DIAPH3: variants seen among roughly 807,000 people sequenced by gnomAD.
DIAPH3 encodes protein diaphanous homolog 3.
Under a neutral mutation model 144.3 loss-of-function variants are expected in DIAPH3, and 117 were observed. The ratio of observed to expected loss-of-function variants is 0.81; its 90% CI spans 0.70 to 0.95. The LOEUF (loss-of-function observed/expected upper bound fraction) is 0.95. DIAPH3 is among the 40% of genes least tolerant of loss of function. The probability of loss-of-function intolerance (pLI) is 0.00; values close to 1 mark genes in which losing one functional copy is unlikely to be tolerated. For synonymous variants in DIAPH3, 519 were observed against 488.9 expected, an observed-to-expected ratio of 1.06 and a Z score of -0.81; for missense variants, 1,421 against 1,412.7, an observed-to-expected ratio of 1.01 and a Z score of -0.09.
At chr13:60,045,458 A>T (rs1260948252) in intron 4 of DIAPH3, among the ~76,000 whole-genome samples, 10 of 152,212 alleles carry the variant, frequency 6.6e-5, no homozygotes, top group Non-Finnish European at 1.5e-4. Context: ...TTTGATACCT[A>T]TTGTTCTATA....
At chr13:59,889,720 T>C (rs1207003387) in intron 20 of DIAPH3, among the ~76,000 whole-genome samples, 2 of 152,116 alleles carry the variant, frequency 1.3e-5, no homozygotes, top group Non-Finnish European at 2.9e-5. Flanking sequence ...AGTTCTGTAA[T>C]ATCCCATTGA....
At chr13:60,002,128 A>C (rs912658760) in intron 9 of DIAPH3, among the ~76,000 whole-genome samples, 15 of 152,312 alleles carry the variant, frequency 9.8e-5, no homozygotes, top group African/African-American at 3.4e-4. Context: ...AAAATTTAAA[A>C]AGAAAGCCAC....
At chr13:60,110,237 T>C (rs942096100) in intron 3 of DIAPH3, among the ~76,000 whole-genome samples, 3 of 152,204 alleles carry the variant, frequency 2.0e-5, no homozygotes, top group Non-Finnish European at 1.5e-5. Context: ...TTGTAAAAAT[T>C]GCACAATGCC....
rs762255819 is a variant in DIAPH3, at chr13:60,163,864, C to G, written c.-98G>C. 1 of 1,269,584 alleles carries G rather than the reference C, an allele frequency of 7.9e-7. No homozygotes were observed. Among genetic ancestry groups the G allele is most frequent in the Non-Finnish European group, 1.0e-6 (1 of 961,596 alleles). 78.6% of individuals were successfully genotyped at this position (1,269,584 alleles called of 1,614,324 possible). On this transcript the variant is annotated 5_prime_UTR_variant, in exon 1 of 28. Transcript: ENST00000400324. ...GACAACAGGTTTTACTCCCGGGGTC[C>G]GCCACCCAAACAGTCAGCACAGCCT... is the stretch of plus-strand genomic sequence containing the variant.
chr13:59,772,144 A>G (rs1413720507), intron 27 of DIAPH3, among the ~76,000 whole-genome samples: 1 of 152,110 alleles, frequency 6.6e-6, no homozygotes, highest in Non-Finnish European at 1.5e-5. Context: ...AGTAGTTTTT[A>G]GAAATAGAAA....
chr13:59,799,375 GCACACACACACACACA>G (rs56979042), intron 25 of DIAPH3, among the ~76,000 whole-genome samples: 66 of 139,360 alleles, frequency 4.7e-4, no homozygotes, highest in African/African-American at 8.5e-4. Flanking sequence ...CTGGAAATAT[GCACACACACACACACA>G]CACACACACA....
chr13:60,071,198 G>A (rs1370567837), intron 4 of DIAPH3, among the ~76,000 whole-genome samples: 1 of 152,072 alleles, frequency 6.6e-6, no homozygotes, highest in East Asian at 1.9e-4. Context: ...AGATTGTTCT[G>A]ACCTATTTGT....
At chr13:59,887,097 A>C (rs2045501522) in intron 20 of DIAPH3, among the ~76,000 whole-genome samples, 1 of 152,062 alleles carries the variant, frequency 6.6e-6, no homozygotes, top group African/African-American at 2.4e-5. Context: ...GAGTTTTTTC[A>C]TAAAAAATGA....
intron 21 of DIAPH3, among the ~76,000 whole-genome samples, chr13:59,870,165 C>CTT (rs35111180): frequency 2.5e-4 from 36 of 143,744 alleles, no homozygotes; most frequent in African/African-American, 8.1e-4. Flanking sequence ...GGTCTGGCAA[C>CTT]TTTTTTTTTT....
At chr13:60,026,455 G>A (rs1224978415) in intron 5 of DIAPH3, among the ~76,000 whole-genome samples, 1 of 152,110 alleles carries the variant, frequency 6.6e-6, no homozygotes, top group Non-Finnish European at 1.5e-5. Flanking sequence ...CTCTGCCAGA[G>A]CCTTTATGAT....
At chr13:59,737,575 T>A (rs1030786047) in intron 27 of DIAPH3, among the ~76,000 whole-genome samples, 6 of 152,168 alleles carry the variant, frequency 3.9e-5, no homozygotes, top group African/African-American at 7.2e-5. Context: ...AAGGCAGCAA[T>A]AATTTTACTA....
intron 20 of DIAPH3, among the ~76,000 whole-genome samples, chr13:59,909,269 G>T (rs2046877202): frequency 6.6e-6 from 1 of 151,014 alleles, no homozygotes; most frequent in Non-Finnish European, 1.5e-5. Context: ...GTTAGCAAAG[G>T]TTTTTAATCT....
intron 19 of DIAPH3, 120 bp downstream of exon 19, chr13:59,916,035 T>C (rs1292284307): frequency 7.2e-6 from 6 of 831,946 alleles, no homozygotes; most frequent in Non-Finnish European, 1.2e-5. Context: ...AAACTAATTA[T>C]GCAGCAATGA....
chr13:60,013,515 T>C (rs2053423118), intron 7 of DIAPH3: 1 of 152,206 alleles, frequency 6.6e-6, no homozygotes, highest in Admixed American at 6.5e-5. Flanking sequence ...ACCTTTCAAT[T>C]TGAATATACT....
At chr13:59,930,165 T>C (rs2047956755) in intron 17 of DIAPH3, among the ~76,000 whole-genome samples, 1 of 152,158 alleles carries the variant, frequency 6.6e-6, no homozygotes, top group Non-Finnish European at 1.5e-5. Context: ...ACATGTTTTA[T>C]AATCAGGATT....
chr13:59,925,561 G>A (rs1025487032), intron 17 of DIAPH3, among the ~76,000 whole-genome samples: 7 of 152,098 alleles, frequency 4.6e-5, no homozygotes, highest in African/African-American at 1.7e-4. Context: ...TGTAAAGCTG[G>A]CCTTGTAGCA....
chr13:59,916,784 C>G (rs1460513046), intron 18 of DIAPH3, among the ~76,000 whole-genome samples: 1 of 152,054 alleles, frequency 6.6e-6, no homozygotes, highest in Non-Finnish European at 1.5e-5. Context: ...AAACAGTATG[C>G]TAGGGAAACC....
chr13:59,907,938 C>A (rs1020404930), intron 20 of DIAPH3, among the ~76,000 whole-genome samples: 1 of 152,128 alleles, frequency 6.6e-6, no homozygotes, highest in Non-Finnish European at 1.5e-5. Flanking sequence ...AAATTAGGCA[C>A]ATCACATGGT....
Position 59,924,496 on chromosome 13 carries a change from TA to T in DIAPH3, c.2170+278del, listed in dbSNP as rs5803978. Among the ~76,000 whole-genome samples, 82,837 of 150,624 alleles carry T rather than the reference TA, an allele frequency of 0.55. 23,247 individuals carry two copies. Among genetic ancestry groups the T allele is most frequent in the Admixed American group, 0.6 (9,080 of 15,162 alleles). On this transcript the variant is annotated intron_variant, in intron 18 of 27. Coordinates refer to ENST00000400324, the MANE Select transcript of DIAPH3 (RefSeq NM_001042517.2). ...TCCTTAAGTCTTTATTTTTATACTT[TA>T]AAAAAAGGGACTTTAAAGAGTAGCT...
Sources: gnomAD v4.1 joint callset for allele counts (sites outside exome capture counted in the v4.1 genomes callset) on GRCh38, gnomAD v4.1.1 for gene constraint, MANE v1.5 for transcripts, NCBI Gene and HGNC (gene_info 2026-07-23, HGNC 2026-07-21) for gene names.